Variants in PABPC4L observed in about 807,000 individuals in gnomAD.
PABPC4L encodes poly(A) binding protein cytoplasmic 4 like.
For synonymous variants in PABPC4L, 169 were observed against 164.1 expected, an observed-to-expected ratio of 1.03 and a Z score of -0.23; for missense variants, 452 against 451.4, an observed-to-expected ratio of 1.00 and a Z score of -0.01.
chr4:134,176,705 C>T, the PABPC4L span, among the ~76,000 whole-genome samples: 1 of 152,026 alleles, frequency 6.6e-6, no homozygotes, highest in Non-Finnish European at 1.5e-5. Context: ...GGGAGAAAAG[C>T]TGGGTGCTAG....
chr4:134,184,520 T>A, the PABPC4L span, among the ~76,000 whole-genome samples: 1 of 152,160 alleles, frequency 6.6e-6, no homozygotes, highest in South Asian at 2.1e-4. Flanking sequence ...GATTGGCTTC[T>A]TTCACTTCAT....
the PABPC4L span, among the ~76,000 whole-genome samples, chr4:133,982,541 C>G: frequency 1.3e-5 from 2 of 151,876 alleles, no homozygotes; most frequent in Non-Finnish European, 2.9e-5. Context: ...TATCAAATTC[C>G]TTATATAAGA....
At chr4:133,970,434 C>T in the PABPC4L span, among the ~76,000 whole-genome samples, 7 of 152,300 alleles carry the variant, frequency 4.6e-5, no homozygotes, top group Admixed American at 1.3e-4. Flanking sequence ...TCTGGACCCA[C>T]AGCTAAAGCA....
At chr4:134,059,102 T>C in the PABPC4L span, among the ~76,000 whole-genome samples, 3 of 152,002 alleles carry the variant, frequency 2.0e-5, no homozygotes, top group Non-Finnish European at 4.4e-5. Context: ...ATCAGAACAG[T>C]AGAAATTCCA....
At chr4:134,117,961 C>T in the PABPC4L span, among the ~76,000 whole-genome samples, 1 of 151,680 alleles carries the variant, frequency 6.6e-6, no homozygotes, top group Admixed American at 6.6e-5. Flanking sequence ...GCTTTTACTT[C>T]CCATAAAACA....
chr4:134,176,201 T>C, the PABPC4L span, among the ~76,000 whole-genome samples: 1 of 152,096 alleles, frequency 6.6e-6, no homozygotes, highest in East Asian at 1.9e-4. Flanking sequence ...ACTGTGAAGG[T>C]ATTAAATTTT....
the PABPC4L span, among the ~76,000 whole-genome samples, chr4:134,075,385 A>C: frequency 6.6e-6 from 1 of 152,198 alleles, no homozygotes; most frequent in East Asian, 1.9e-4. Flanking sequence ...AAGATAAAAA[A>C]GTCTTAGTCA....
chr4:134,014,386 A>C, the PABPC4L span, among the ~76,000 whole-genome samples: 1 of 152,138 alleles, frequency 6.6e-6, no homozygotes, highest in South Asian at 2.1e-4. Context: ...AGAACTTCCA[A>C]ACACCTAAAC....
chr4:134,046,077 T>C, the PABPC4L span, among the ~76,000 whole-genome samples: 5 of 151,962 alleles, frequency 3.3e-5, no homozygotes, highest in East Asian at 9.7e-4. Flanking sequence ...AGACAAAGTA[T>C]AGAGAAAGAA....
At chr4:134,132,143 A>T in the PABPC4L span, among the ~76,000 whole-genome samples, 1 of 152,118 alleles carries the variant, frequency 6.6e-6, no homozygotes, top group South Asian at 2.1e-4. Flanking sequence ...ACCCTTCTAG[A>T]CATTGGCATA....
At chr4:134,171,320 T>C in the PABPC4L span, among the ~76,000 whole-genome samples, 1 of 152,122 alleles carries the variant, frequency 6.6e-6, no homozygotes, top group Non-Finnish European at 1.5e-5. Context: ...TTCACCATGT[T>C]GGCCAGGTTG....
At chr4:134,182,266 A>G in the PABPC4L span, among the ~76,000 whole-genome samples, 5 of 152,066 alleles carry the variant, frequency 3.3e-5, no homozygotes, top group African/African-American at 1.2e-4. Flanking sequence ...AAACAGACAC[A>G]TAGACCAGTG....
the PABPC4L span, among the ~76,000 whole-genome samples, chr4:134,139,469 AGT>A: frequency 1.3e-5 from 2 of 151,970 alleles, no homozygotes; most frequent in African/African-American, 4.8e-5. Context: ...GTGAAAAGGT[AGT>A]CACAAACAGC....
the PABPC4L span, among the ~76,000 whole-genome samples, chr4:134,009,998 G>A: frequency 8.5e-3 from 1,293 of 151,926 alleles, 19 homozygotes; most frequent in African/African-American, 0.03. Flanking sequence ...AGCTAATGAC[G>A]GTATAAAGAC....
In PABPC4L at chr4:134,200,488, G is replaced by A. The variant is rs762361113; in HGVS notation, c.532C>T (p.Arg178Cys). 3.2e-6 allele frequency: 5 copies of A among 1,551,548 alleles called. No individual in the cohort carries two copies. The highest frequency in any genetic ancestry group is 1.4e-5 in the African/African-American group (1 of 73,110). The change falls in exon 2 of 2, where the codon CGT (arginine) becomes TGT (cysteine). Residue 178 changes from arginine (R) to cysteine (C), a missense_variant. Physicochemically the swap from Arg to Cys is radical, Grantham distance 180. Transcript: ENST00000421491. The stretch of plus-strand genomic sequence containing the variant: ...GCTTTGCTTCTGAGTTCAGCTTCAC[G>A]ATCTTTTCGGTTTTTGAATCTGCCA... ...FVGRFKNRKD[R>C]EAELRSKASE...
chr4:133,978,094 A>G, the PABPC4L span: 3 of 152,176 alleles, frequency 2.0e-5, no homozygotes, highest in African/African-American at 7.2e-5. Flanking sequence ...GTATGTATGA[A>G]TGACATCATT....
In PABPC4L at chr4:134,200,148, T is replaced by A; in HGVS notation, c.872A>T (p.Gln291Leu). The change falls in exon 2 of 2, where the codon CAG becomes CTG. Residue 291 changes from glutamine (Q) to leucine (L), a missense_variant. Gln to Leu is a moderately radical substitution (Grantham distance 113). Coordinates refer to ENST00000421491, the MANE Select transcript of PABPC4L (RefSeq NM_001114734.2). ...QLKRERIRGC[Q>L]GVKLYIKNLD... ...GTTCTTAATATAGAGTTTTACCCCC[T>A]GGCACCCACGAATTCGTTCCCTTTT... The A allele has an allele frequency of 6.4e-7, 1 of 1,551,692 alleles. No homozygotes were observed. Among genetic ancestry groups the A allele is most frequent in the South Asian group, 1.2e-5 (1 of 84,056 alleles).
chr4:133,951,200 C>T, the PABPC4L span, among the ~76,000 whole-genome samples: 4 of 152,142 alleles, frequency 2.6e-5, no homozygotes, highest in African/African-American at 9.7e-5. Flanking sequence ...CTTATCTCAT[C>T]ATGTAATGGA....
chr4:134,129,954 A>G, the PABPC4L span, among the ~76,000 whole-genome samples: 1 of 150,778 alleles, frequency 6.6e-6, no homozygotes, highest in Non-Finnish European at 1.5e-5. Flanking sequence ...AATCCTAGCT[A>G]GTCAGGAGGC....
Sources: gnomAD v4.1 joint callset for allele counts (sites outside exome capture counted in the v4.1 genomes callset) on GRCh38, gnomAD v4.1.1 for gene constraint, MANE v1.5 for transcripts, NCBI Gene and HGNC (gene_info 2026-07-23, HGNC 2026-07-21) for gene names.